CPXM2: variants seen among roughly 807,000 people sequenced by gnomAD.
CPXM2 encodes the protein carboxypeptidase X, M14 family member 2.
CPXM2 carries 66 observed loss-of-function variants against 86.1 expected under a neutral mutation model. The ratio of observed to expected loss-of-function variants is 0.77; its 90% CI spans 0.63 to 0.94. The LOEUF is 0.94. Among genes scored for constraint, CPXM2 ranks in the 40% least tolerant of loss-of-function variants. The probability of loss-of-function intolerance (pLI) is 0.00; values close to 1 mark genes in which losing one functional copy is unlikely to be tolerated. For missense variants in CPXM2, 948 were observed against 1,026.3 expected, an observed-to-expected ratio of 0.92 and a Z score of 1.04; for synonymous variants, 388 against 400.2, an observed-to-expected ratio of 0.97 and a Z score of 0.36.
At chr10:123,850,519 G>A (rs1848578013) in intron 3 of CPXM2, among the ~76,000 whole-genome samples, 2 of 152,022 alleles carry the variant, frequency 1.3e-5, no homozygotes, top group African/African-American at 4.8e-5. Flanking sequence ...CCTTTGTCTG[G>A]CGATCCACAC....
chr10:123,908,381 C>G (rs1362336880), intron 2 of CPXM2, among the ~76,000 whole-genome samples: 1 of 152,142 alleles, frequency 6.6e-6, no homozygotes, highest in Non-Finnish European at 1.5e-5. Context: ...ATGCAGAAAC[C>G]ATCCTGTTTG....
At chr10:123,922,239 C>T (rs1945584634) in intron 2 of CPXM2, among the ~76,000 whole-genome samples, 1 of 132,790 alleles carries the variant, frequency 7.5e-6, no homozygotes, top group Non-Finnish European at 1.6e-5. Flanking sequence ...CAGTTGAGAA[C>T]CATCATCCTA....
At chr10:123,893,136 T>C (rs1325098014), upstream of CPXM2, among the ~76,000 whole-genome samples, 1 of 152,204 alleles carries the variant, frequency 6.6e-6, no homozygotes, top group East Asian at 1.9e-4. Flanking sequence ...TCCGTAACTA[T>C]CTCTTGTTCT....
intron 4 of CPXM2, among the ~76,000 whole-genome samples, chr10:123,803,118 CTTTTTTTTTTTTTTTTTTT>C (rs532954173): frequency 1.6e-5 from 1 of 63,634 alleles, no homozygotes; most frequent in African/African-American, 5.6e-5. Flanking sequence ...TTGTAGTACC[CTTTTTTTTTTTTTTTTTTT>C]TTTTTTTTTT....
At chr10:123,760,566 T>C (rs1846309083) in intron 11 of CPXM2, among the ~76,000 whole-genome samples, 1 of 152,228 alleles carries the variant, frequency 6.6e-6, no homozygotes, top group Non-Finnish European at 1.5e-5. Flanking sequence ...GCTGAGTTTC[T>C]AACAAAGTCA....
intron 7 of CPXM2, among the ~76,000 whole-genome samples, chr10:123,779,354 C>G (rs1846882130): frequency 6.6e-6 from 1 of 152,182 alleles, no homozygotes; most frequent in Non-Finnish European, 1.5e-5. Context: ...CCCCCTTCTG[C>G]ACTCGGTATG....
chr10:123,820,721 A>G (rs1847907978), intron 4 of CPXM2, among the ~76,000 whole-genome samples: 1 of 152,122 alleles, frequency 6.6e-6, no homozygotes. Context: ...TCCAGAGGCC[A>G]CCCACATTCC....
intron 2 of CPXM2, among the ~76,000 whole-genome samples, chr10:123,909,690 G>T (rs750013660): frequency 6.6e-6 from 1 of 152,314 alleles, no homozygotes; most frequent in East Asian, 1.9e-4. Flanking sequence ...GCTAGTAAAA[G>T]CTCCCAAAGG....
At chr10:123,788,161 A>T (rs190836939) in intron 6 of CPXM2, among the ~76,000 whole-genome samples, 69 of 151,750 alleles carry the variant, frequency 4.5e-4, no homozygotes, top group African/African-American at 1.6e-3. Flanking sequence ...CATACCTGTA[A>T]TCCTAGCTAC....
chr10:123,891,487 G>C lies in CPXM2; in HGVS notation c.173C>G (p.Ser58Cys). 3.2e-6 allele frequency: 5 copies of C among 1,548,606 alleles called. No homozygotes were observed. Among genetic ancestry groups the C allele is most frequent in the Non-Finnish European group, 4.4e-6 (5 of 1,145,738 alleles). Residue 58 changes from serine (S) to cysteine (C), a missense_variant, in exon 1 of 14, where the codon TCT (serine) becomes TGT (cysteine). Transcript: ENST00000241305. This position sits in a 1 kb window ranked among gnomAD's most constrained non-coding sequence, Gnocchi z 5.6. ...CCCGGGCCCCGCAGGCAGCGGCGGAGAGAAGGTCTCGAGCTCGGGCTCCGG... is the reference window on the plus strand; with the variant it reads ...CCCGGGCCCCGCAGGCAGCGGCGGACAGAAGGTCTCGAGCTCGGGCTCCGG... ...ARPEPELETFSPPLPAGPGEE... is the reference protein window; with the variant it reads ...ARPEPELETFCPPLPAGPGEE...
At chr10:123,761,150 T>G (rs1247329708) in intron 11 of CPXM2, among the ~76,000 whole-genome samples, 2 of 152,202 alleles carry the variant, frequency 1.3e-5, no homozygotes, top group East Asian at 3.9e-4. Flanking sequence ...CTGAAGTCTC[T>G]CCTGGGAGCC....
chr10:123,916,101 A>G (rs770827785), intron 2 of CPXM2, among the ~76,000 whole-genome samples: 11 of 152,176 alleles, frequency 7.2e-5, no homozygotes, highest in Non-Finnish European at 1.2e-4. Flanking sequence ...GAGAAAAAAA[A>G]AATACCTGTG....
At chr10:123,763,260 G>A (rs1846388853) in intron 10 of CPXM2, among the ~76,000 whole-genome samples, 1 of 152,078 alleles carries the variant, frequency 6.6e-6, no homozygotes, top group South Asian at 2.1e-4. Flanking sequence ...GGATGGTCTC[G>A]ATCTCCTGAC....
intron 2 of CPXM2, among the ~76,000 whole-genome samples, chr10:123,902,417 G>A (rs910835249): frequency 2.0e-5 from 3 of 152,224 alleles, no homozygotes; most frequent in South Asian, 2.1e-4. Context: ...ATAAAATAAT[G>A]CATGTAACAG....
upstream of CPXM2, among the ~76,000 whole-genome samples, chr10:123,943,893 T>C (rs568809310): frequency 1.3e-5 from 2 of 150,680 alleles, no homozygotes; most frequent in South Asian, 4.4e-4. Context: ...ATCTGTGTAG[T>C]GGGTAGCTCT....
intron 11 of CPXM2, among the ~76,000 whole-genome samples, chr10:123,761,372 C>T (rs1439794493): frequency 1.3e-5 from 2 of 152,190 alleles, no homozygotes; most frequent in Non-Finnish European, 2.9e-5. Context: ...GCCTGGCCCC[C>T]TCTGTGGGTT....
chr10:123,845,816 A>G (rs1300555289), intron 3 of CPXM2, among the ~76,000 whole-genome samples: 1 of 152,226 alleles, frequency 6.6e-6, no homozygotes, highest in Non-Finnish European at 1.5e-5. Flanking sequence ...AAGTTTCCAA[A>G]GAGGAAACAA....
intron 2 of CPXM2, among the ~76,000 whole-genome samples, chr10:123,903,048 C>CT (rs1174898628): frequency 5.3e-5 from 8 of 152,250 alleles, no homozygotes; most frequent in South Asian, 2.1e-4. Flanking sequence ...AAGCCCAACT[C>CT]TAACGCCTCC....
chr10:123,828,756 A>G (rs941559957), intron 4 of CPXM2, among the ~76,000 whole-genome samples: 2 of 152,236 alleles, frequency 1.3e-5, no homozygotes, highest in African/African-American at 4.8e-5. Context: ...AAAACATAAA[A>G]CAATAAAACT....
Sources: gnomAD v4.1 joint callset for allele counts (sites outside exome capture counted in the v4.1 genomes callset) on GRCh38, gnomAD v4.1.1 for gene constraint, Gnocchi (gnomAD v3.1) non-coding constraint, MANE v1.5 for transcripts, NCBI Gene and HGNC (gene_info 2026-07-23, HGNC 2026-07-21) for gene names.